Variants in EXT2 observed in about 807,000 individuals in gnomAD.
The protein encoded by EXT2 is exostosin-2.
EXT2 carries 53 observed loss-of-function variants against 81.6 expected under a neutral mutation model. The observed-to-expected ratio is 0.65, with a 90% CI of 0.52 to 0.82. The LOEUF is 0.82. Among genes scored for constraint, EXT2 ranks in the 40% least tolerant of loss-of-function variants. EXT2 has a pLI of 0.00. For missense variants in EXT2, 774 were observed against 910.2 expected (o/e 0.85, Z 1.93); for synonymous variants, 320 against 340.0 (o/e 0.94, Z 0.65).
In EXT2 at chr11:44,107,727, C is replaced by T. The variant is rs754124170; in HGVS notation, c.15C>T (p.Val5=). ...TCTGTGTCATTATGTGTGCGTCGGT[C>T]AAGTATAATATCCGGGGTCCTGCCC... MCAS[V]KYNIRGPALI... Residue 5 remains valine (V), a synonymous_variant, in exon 2 of 14, where the codon GTC becomes GTT. Transcript: ENST00000533608. The T allele has an allele frequency of 1.2e-6, 2 of 1,614,186 alleles. No homozygotes were observed. Among genetic ancestry groups the T allele is most frequent in the South Asian group, 2.2e-5 (2 of 91,076 alleles).
At chr11:44,186,390 T>A (rs1363100449) in intron 8 of EXT2, among the ~76,000 whole-genome samples, 1 of 152,212 alleles carries the variant, frequency 6.6e-6, no homozygotes, top group African/African-American at 2.4e-5. Context: ...ATGGTTTCTG[T>A]CCATCCCACT....
At chr11:44,223,696 G>A (rs553674291) in intron 10 of EXT2, among the ~76,000 whole-genome samples, 87 of 148,936 alleles carry the variant, frequency 5.8e-4, no homozygotes, top group Admixed American at 1.1e-3. Flanking sequence ...GTCGCCTGGC[G>A]ACAGAGTGTA....
intron 10 of EXT2, among the ~76,000 whole-genome samples, chr11:44,210,460 A>G (rs1955634501): frequency 6.6e-6 from 1 of 152,192 alleles, no homozygotes. Context: ...AACCCTAGAG[A>G]TAGAAAGATC....
Position 44,114,170 on chromosome 11 carries a change from ATACTT to A in EXT2, c.627-13_627-9del, listed in dbSNP as rs1382620098. ...CCTTTCTTTCTCATCGTTTAACAAA[ATACTT>A]TGCTTTCAGGGCCCTGTTGGCTGGT... On this transcript the variant is annotated splice_polypyrimidine_tract_variant and intron_variant, in intron 3 of 13. Coordinates refer to ENST00000533608, the MANE Select transcript of EXT2 (RefSeq NM_207122.2). The A allele has an allele frequency of 6.2e-7, 1 of 1,609,812 alleles. No individual in the cohort carries two copies. The highest frequency in any genetic ancestry group is 8.5e-7 in the Non-Finnish European group (1 of 1,176,076).
intron 10 of EXT2, among the ~76,000 whole-genome samples, chr11:44,215,940 A>T (rs1397242751): frequency 6.7e-6 from 1 of 148,788 alleles, no homozygotes; most frequent in East Asian, 2.0e-4. Flanking sequence ...GCAGTGGCGC[A>T]ATCTCGGCTC....
intron 7 of EXT2, among the ~76,000 whole-genome samples, chr11:44,144,781 C>T (rs1279580814): frequency 6.6e-6 from 1 of 152,156 alleles, no homozygotes; most frequent in South Asian, 2.1e-4. Flanking sequence ...TGGGAGCGTT[C>T]CCTCAGAGTA....
chr11:44,110,225 G>A (rs945467939), intron 3 of EXT2, among the ~76,000 whole-genome samples: 2 of 152,082 alleles, frequency 1.3e-5, no homozygotes, highest in African/African-American at 2.4e-5. Flanking sequence ...TATGAAAATC[G>A]ACACTTAGTA....
At chr11:44,208,193 G>C (rs1223077509) in intron 10 of EXT2, among the ~76,000 whole-genome samples, 4 of 151,258 alleles carry the variant, frequency 2.6e-5, no homozygotes, top group Non-Finnish European at 5.9e-5. Context: ...ATGGCAAAAA[G>C]ACTAATTTTT....
At chr11:44,140,313 G>C (rs975885777) in intron 7 of EXT2, among the ~76,000 whole-genome samples, 2 of 152,166 alleles carry the variant, frequency 1.3e-5, no homozygotes, top group Non-Finnish European at 2.9e-5. Flanking sequence ...ACTTTCATCA[G>C]TCTGCTTTGC....
Position 44,197,960 on chromosome 11 carries a change from G to A in EXT2, c.1437G>A (p.Val479=), listed in dbSNP as rs760834967. ...LFRVITEVSK[V]PSLSKLLVVW... Reference sequence around the variant, plus strand: ...GGGTCATCACTGAAGTGTCCAAGGTGCCCAGTCTATCCAAACTACTTGTCG... The same window carrying A: ...GGGTCATCACTGAAGTGTCCAAGGTACCCAGTCTATCCAAACTACTTGTCG... The change falls in exon 9 of 14, where the codon GTG becomes GTA. Residue 479 remains valine (V), a synonymous_variant. Coordinates refer to ENST00000533608, the MANE Select transcript of EXT2 (RefSeq NM_207122.2). The A allele has an allele frequency of 3.1e-6, 5 of 1,614,082 alleles. No individual in the cohort carries two copies. The highest frequency in any genetic ancestry group is 1.7e-5 in the Admixed American group (1 of 60,016).
At chr11:44,191,732 C>CT (rs973621665) in intron 8 of EXT2, among the ~76,000 whole-genome samples, 4 of 152,140 alleles carry the variant, frequency 2.6e-5, no homozygotes, top group East Asian at 1.9e-4. Context: ...CCCCAGGAAG[C>CT]TTTTTTTCTC....
At chr11:44,173,937 C>G (rs1308049317) in intron 8 of EXT2, among the ~76,000 whole-genome samples, 1 of 152,148 alleles carries the variant, frequency 6.6e-6, no homozygotes, top group Non-Finnish European at 1.5e-5. Flanking sequence ...GTGGACATAT[C>G]TACAGAATTA....
At chr11:44,125,630 T>G (rs1473659457) in intron 5 of EXT2, among the ~76,000 whole-genome samples, 1 of 152,146 alleles carries the variant, frequency 6.6e-6, no homozygotes, top group African/African-American at 2.4e-5. Flanking sequence ...ACTTAAATAC[T>G]TAAAATGGAC....
At chr11:44,145,808 T>A (rs148474406) in intron 7 of EXT2, among the ~76,000 whole-genome samples, 242 of 152,330 alleles carry the variant, frequency 1.6e-3, no homozygotes, top group African/African-American at 5.6e-3. Context: ...ACTATTATAA[T>A]CATCTAAAAT....
At chr11:44,237,912 A>AC (rs1435830852) in intron 13 of EXT2, among the ~76,000 whole-genome samples, 8 of 141,704 alleles carry the variant, frequency 5.6e-5, no homozygotes, top group East Asian at 2.2e-4. Context: ...TAAAAAAAAA[A>AC]AAAAAAAAAA....
intron 4 of EXT2, among the ~76,000 whole-genome samples, chr11:44,115,693 T>G (rs11037870): frequency 0.035 from 5,267 of 152,310 alleles, 326 homozygotes; most frequent in East Asian, 0.29. Flanking sequence ...TCTTTAAATA[T>G]TTCAGACATC....
At chr11:44,160,295 T>C (rs1000118498) in intron 7 of EXT2, among the ~76,000 whole-genome samples, 1 of 152,256 alleles carries the variant, frequency 6.6e-6, no homozygotes, top group African/African-American at 2.4e-5. Context: ...CAGTAAGTTG[T>C]GATTCTCTCT....
intron 9 of EXT2, 24 bp from the exon 10 acceptor site, chr11:44,206,769 T>C: frequency 6.2e-7 from 1 of 1,613,574 alleles, no homozygotes; most frequent in Non-Finnish European, 8.5e-7. Flanking sequence ...AGGAGAATAG[T>C]AAATACCTTT....
At chr11:44,218,922 C>T (rs184586586) in intron 10 of EXT2, among the ~76,000 whole-genome samples, 4 of 151,290 alleles carry the variant, frequency 2.6e-5, no homozygotes, top group Admixed American at 2.0e-4. Flanking sequence ...CCCAGCCTCC[C>T]GAGTAGCTGG....
Sources: gnomAD v4.1 joint callset for allele counts (sites outside exome capture counted in the v4.1 genomes callset) on GRCh38, gnomAD v4.1.1 for gene constraint, MANE v1.5 for transcripts, NCBI Gene and HGNC (gene_info 2026-07-23, HGNC 2026-07-21) for gene names.